CYFIP2: variants seen among roughly 807,000 people sequenced by gnomAD.
The protein encoded by CYFIP2 is cytoplasmic FMR1-interacting protein 2.
Under a neutral mutation model 158.7 loss-of-function variants are expected in CYFIP2, and 29 were observed. The observed-to-expected ratio is 0.18, with a 90% CI of 0.14 to 0.25. The LOEUF (loss-of-function observed/expected upper bound fraction) is 0.25, where lower values mean the gene tolerates loss of function less well. Among genes scored for constraint, CYFIP2 ranks in the 10% least tolerant of loss-of-function variants. CYFIP2 has a pLI of 1.00. For missense variants in CYFIP2, 852 were observed against 1,639.5 expected (o/e 0.52, Z 8.29); for synonymous variants, 585 against 617.6 (o/e 0.95, Z 0.78).
intron 6 of CYFIP2, among the ~76,000 whole-genome samples, 155 bp from the exon 7 acceptor site, chr5:157,302,639 C>G (rs1437658071): frequency 2.6e-5 from 4 of 152,200 alleles, no homozygotes; most frequent in Non-Finnish European, 5.9e-5. Context: ...AGAACACACT[C>G]TGTTTCGACA....
At position 157,361,228 on chromosome 5, in the gene CYFIP2, T is replaced by TGTGTGTGTGCATGTGTGTGC. The variant is rs1763796755; in HGVS notation, c.2909-230_2909-211dup. On this transcript the variant is annotated intron_variant, in intron 25 of 30. Transcript: ENST00000620254. The surrounding 1 kb of genome is among the most constrained non-coding windows in gnomAD (Gnocchi z 4.4). ...TGCCTCATTTGTGTGCCTGTGTTTG[T>TGTGTGTGTGCATGTGTGTGC]GTGTGTGTGCATGTGTGTGCGTGTG... Among the ~76,000 whole-genome samples, 3 of 152,050 alleles carry TGTGTGTGTGCATGTGTGTGC rather than the reference T, an allele frequency of 2.0e-5. No individual in the cohort carries two copies. The highest frequency in any genetic ancestry group is 7.2e-5 in the African/African-American group (3 of 41,408).
At chr5:157,317,006 T>G (rs754354577) in intron 13 of CYFIP2, among the ~76,000 whole-genome samples, 14 of 152,174 alleles carry the variant, frequency 9.2e-5, no homozygotes, top group Non-Finnish European at 1.9e-4. Flanking sequence ...GAGGACAAAG[T>G]CATCCTCAAG....
chr5:157,311,856 C>T lies in CYFIP2; in HGVS notation c.1110+75C>T, dbSNP rs1400001588. 6 of 1,347,008 alleles carry T rather than the reference C, an allele frequency of 4.5e-6. No homozygotes were observed. Among genetic ancestry groups the T allele is most frequent in the South Asian group, 1.3e-5 (1 of 77,844 alleles). The allele number at this position is 1,347,008 out of a possible 1,614,324, so 83.4% of individuals were successfully genotyped here. On this transcript the variant is annotated intron_variant, in intron 11 of 30. Transcript: ENST00000620254. This position sits in a 1 kb window ranked among gnomAD's most constrained non-coding sequence, Gnocchi z 4.7. ...GGGGTAAGGAGCAGCCAGGAAAGAACATGGACCCACGGAACACTGGAGAGT... is the reference window on the plus strand; with the variant it reads ...GGGGTAAGGAGCAGCCAGGAAAGAATATGGACCCACGGAACACTGGAGAGT...
At chr5:157,323,423 G>A (rs891829968) in intron 15 of CYFIP2, among the ~76,000 whole-genome samples, 1 of 152,196 alleles carries the variant, frequency 6.6e-6, no homozygotes, top group African/African-American at 2.4e-5. Context: ...TGCTGAAAGG[G>A]ACTGGTGTGA....
chr5:157,393,831 C>G lies in CYFIP2; in HGVS notation c.*831C>G, dbSNP rs1767541338. 6.6e-6 allele frequency: 1 copy of G among 152,174 alleles called. No homozygotes were observed. Among genetic ancestry groups the G allele is most frequent in the African/African-American group, 2.4e-5 (1 of 41,422 alleles). The allele number at this position is 152,174 out of a possible 1,614,324, so 9.4% of individuals were successfully genotyped here. A position where few individuals can be genotyped will look rare whatever the true frequency, so the allele number is the denominator to read the frequency against. On this transcript the variant is annotated 3_prime_UTR_variant, in exon 31 of 31. Coordinates refer to ENST00000620254, the MANE Select transcript of CYFIP2 (RefSeq NM_001037333.3). ...GGGAAGCAGCTTTGAACAAATCAGT[C>G]ATAGCACTGCCTATAGCATTAGCCA...
intron 26 of CYFIP2, among the ~76,000 whole-genome samples, chr5:157,371,493 A>G (rs1199731532): frequency 6.6e-6 from 1 of 152,190 alleles, no homozygotes; most frequent in Non-Finnish European, 1.5e-5. Context: ...ACAGAACCCT[A>G]AAGGTAGAGT....
intron 1 of CYFIP2, among the ~76,000 whole-genome samples, chr5:157,270,525 G>C (rs147327851): frequency 5.3e-4 from 80 of 152,338 alleles, no homozygotes; most frequent in African/African-American, 1.9e-3. Flanking sequence ...GAATATCCGA[G>C]AACTATTTTT....
In CYFIP2 at chr5:157,373,319, A is replaced by ACCTTAAG. The variant is rs1180329835; in HGVS notation, c.3040-9270_3040-9264dup. 2.6e-5 allele frequency among the ~76,000 whole-genome samples: 4 copies of ACCTTAAG among 152,272 alleles called. No homozygotes were observed. The East Asian group carries it at 7.7e-4, about 29-fold the overall frequency. On this transcript the variant is annotated intron_variant, in intron 26 of 30. Coordinates refer to ENST00000620254, the MANE Select transcript of CYFIP2 (RefSeq NM_001037333.3). ...CTGAATCCCACTGTCCTTGGCTTCT[A>ACCTTAAG]CCTTAAGGCTTGTTGACATTTACGA... is the stretch of plus-strand genomic sequence containing the variant.
intron 21 of CYFIP2, among the ~76,000 whole-genome samples, chr5:157,336,897 T>A (rs1318111713): frequency 6.6e-6 from 1 of 152,212 alleles, no homozygotes; most frequent in Non-Finnish European, 1.5e-5. Flanking sequence ...TGCAGAAATA[T>A]CGTCTGGGTT....
chr5:157,354,463 T>C (rs1763278175), intron 23 of CYFIP2, among the ~76,000 whole-genome samples: 1 of 152,042 alleles, frequency 6.6e-6, no homozygotes, highest in South Asian at 2.1e-4. Flanking sequence ...GGGCCCAGCC[T>C]CCTATTGAGC....
intron 11 of CYFIP2, among the ~76,000 whole-genome samples, chr5:157,312,460 A>C (rs1053796554): frequency 6.6e-6 from 1 of 152,312 alleles, no homozygotes; most frequent in African/African-American, 2.4e-5. Flanking sequence ...ATATATATAT[A>C]TCCTTCTGAT....
At chr5:157,274,757 C>A (rs143954812) in intron 1 of CYFIP2, among the ~76,000 whole-genome samples, 2 of 152,244 alleles carry the variant, frequency 1.3e-5, no homozygotes, top group East Asian at 3.9e-4. Context: ...TTCATTATAG[C>A]CATCCTAGTG....
At chr5:157,336,428 G>T (rs1561740374) in intron 21 of CYFIP2, among the ~76,000 whole-genome samples, 1 of 152,236 alleles carries the variant, frequency 6.6e-6, no homozygotes, top group Non-Finnish European at 1.5e-5. Context: ...AGCATTCCCA[G>T]ATGGTAACGA....
intron 1 of CYFIP2, among the ~76,000 whole-genome samples, chr5:157,273,542 A>G (rs942278173): frequency 4.6e-5 from 7 of 152,114 alleles, no homozygotes; most frequent in Non-Finnish European, 8.8e-5. Context: ...CCTGCCCTGT[A>G]TGGTCTAGTT....
At chr5:157,328,401 G>C (rs149992036) in intron 19 of CYFIP2, among the ~76,000 whole-genome samples, 1 of 152,374 alleles carries the variant, frequency 6.6e-6, no homozygotes, top group Non-Finnish European at 1.5e-5. Flanking sequence ...TGGCATCTGA[G>C]TTCTTATCTG....
intron 3 of CYFIP2, among the ~76,000 whole-genome samples, chr5:157,287,645 A>G (rs1315467878): frequency 6.6e-6 from 1 of 152,234 alleles, no homozygotes; most frequent in Non-Finnish European, 1.5e-5. Context: ...CTCATGCAGC[A>G]CTGCAATTTA....
intron 1 of CYFIP2, among the ~76,000 whole-genome samples, chr5:157,277,899 A>T (rs1010306285): frequency 6.6e-6 from 1 of 152,344 alleles, no homozygotes; most frequent in Middle Eastern, 3.4e-3. Context: ...TATGGTATAT[A>T]GCCTATTGCT....
intron 1 of CYFIP2, among the ~76,000 whole-genome samples, chr5:157,282,344 T>G (rs1159952274): frequency 1.3e-5 from 2 of 152,084 alleles, no homozygotes; most frequent in African/African-American, 4.8e-5. Flanking sequence ...TGACCAGATC[T>G]CCTGTGAACT....
At chr5:157,341,569 G>C (rs1262196840) in intron 23 of CYFIP2, 1 of 170,234 alleles carries the variant, frequency 5.9e-6, no homozygotes, top group African/African-American at 2.4e-5. Flanking sequence ...AAAGGAAAAA[G>C]GCAGCAATAA....
Sources: allele counts gnomAD v4.1 joint callset (sites outside exome capture counted in the v4.1 genomes callset), GRCh38; gene constraint gnomAD v4.1.1; non-coding constraint Gnocchi (gnomAD v3.1); transcripts MANE v1.5; gene names NCBI Gene and HGNC (gene_info 2026-07-23, HGNC 2026-07-21).